Variants in AASS observed in about 807,000 individuals in gnomAD.
AASS encodes the protein aminoadipate-semialdehyde synthase.
AASS carries 86 observed loss-of-function variants against 105.4 expected under a neutral mutation model. The observed-to-expected ratio is 0.82, with a 90% CI of 0.69 to 0.98. The LOEUF (loss-of-function observed/expected upper bound fraction) is 0.98. AASS is among the 50% of genes least tolerant of loss of function. AASS has a pLI of 0.00. For synonymous variants in AASS, 381 were observed against 394.8 expected, an observed-to-expected ratio of 0.96 and a Z score of 0.41; for missense variants, 1,048 against 1,143.2, an observed-to-expected ratio of 0.92 and a Z score of 1.20.
chr7:122,085,928 A>G, intron 19 of AASS, 84 bp downstream of exon 19: 1 of 1,491,674 alleles, frequency 6.7e-7, no homozygotes, highest in Non-Finnish European at 9.3e-7. Context: ...CATCTTAATT[A>G]TTTTGACTAC....
At chr7:122,135,585 G>A (rs1010841959) in intron 1 of AASS, among the ~76,000 whole-genome samples, 3 of 152,186 alleles carry the variant, frequency 2.0e-5, no homozygotes, top group Middle Eastern at 3.4e-3. Flanking sequence ...TGAATGTAAC[G>A]GGCTTCTCTC....
At chr7:122,135,621 A>G (rs531357680) in intron 1 of AASS, among the ~76,000 whole-genome samples, 2 of 152,290 alleles carry the variant, frequency 1.3e-5, no homozygotes, top group East Asian at 3.9e-4. Context: ...GTATATTCTC[A>G]TGAATAAACT....
Position 122,099,747 on chromosome 7 carries a change from C to T in AASS, c.1407-881G>A, listed in dbSNP as rs903343892. 3.3e-5 allele frequency among the ~76,000 whole-genome samples: 5 copies of T among 151,528 alleles called. No individual in the cohort carries two copies. In the East Asian group the frequency reaches 9.7e-4, roughly 29 times the overall value. ...GGCCATAATGTCTCTTGAACATTAA[C>T]CCAAAAAACTTTTCATTAATTTTTA... On this transcript the variant is annotated intron_variant, in intron 13 of 23. Transcript: ENST00000417368.
intron 18 of AASS, among the ~76,000 whole-genome samples, chr7:122,090,701 C>G (rs1216405569): frequency 1.3e-5 from 2 of 152,154 alleles, no homozygotes; most frequent in African/African-American, 4.8e-5. Flanking sequence ...AGTCTCGTTT[C>G]ATTTTTCTCC....
chr7:122,121,868 T>C (rs1795455005), intron 4 of AASS, among the ~76,000 whole-genome samples: 1 of 152,114 alleles, frequency 6.6e-6, no homozygotes, highest in Admixed American at 6.6e-5. Flanking sequence ...AAATCTGTGT[T>C]TAATCTTCAT....
chr7:122,135,236 C>T (rs890271358), intron 1 of AASS, among the ~76,000 whole-genome samples: 38 of 150,500 alleles, frequency 2.5e-4, no homozygotes, highest in African/African-American at 8.9e-4. Flanking sequence ...AACAAACCTG[C>T]ACGTCGTGCA....
At chr7:122,104,382 T>C (rs1035619939) in intron 11 of AASS, among the ~76,000 whole-genome samples, 7 of 151,958 alleles carry the variant, frequency 4.6e-5, no homozygotes. Context: ...GATCACCTGA[T>C]GTCAGAAGTT....
In AASS at chr7:122,074,099, G is replaced by C. The variant is rs528018319; in HGVS notation, c.*2390C>G. On this transcript the variant is annotated 3_prime_UTR_variant, in exon 24 of 24. Transcript: ENST00000417368. ...TATATCACGTGGGTATCCACCAACA[G>C]TGCATGAGGGTTCCAATTTCTCTGC... 6.6e-6 allele frequency among the ~76,000 whole-genome samples: 1 copy of C among 152,070 alleles called. No individual in the cohort carries two copies. Among genetic ancestry groups the C allele is most frequent in the Admixed American group, 6.5e-5 (1 of 15,270 alleles).
rs758799755 is a variant in AASS at position 122,116,800 on chromosome 7, T to TAA, written c.767-42_767-41dup. The TAA allele has an allele frequency of 2.1e-5, 34 of 1,613,294 alleles. 1 individual carries two copies. In the South Asian group the frequency reaches 3.6e-4, roughly 17 times the overall value. ...AGAAATTAGTAAAGTGGGTGACAAA[T>TAA]AATAAAAATTTATGGTGATAAAATA... On this transcript the variant is annotated intron_variant, in intron 7 of 23. Coordinates refer to ENST00000417368, the MANE Select transcript of AASS (RefSeq NM_005763.4).
intron 1 of AASS, among the ~76,000 whole-genome samples, chr7:122,142,062 C>A (rs191213093): frequency 1.6e-4 from 25 of 152,214 alleles, no homozygotes; most frequent in African/African-American, 5.5e-4. Context: ...GACCAGGAAC[C>A]AAGAGCTTGC....
chr7:122,110,103 C>A (rs1289742527), intron 11 of AASS, among the ~76,000 whole-genome samples: 2 of 151,810 alleles, frequency 1.3e-5, no homozygotes, highest in Non-Finnish European at 1.5e-5. Flanking sequence ...GTTAACTAAG[C>A]TCTCAATAAA....
At chr7:122,141,039 T>G (rs2150560319) in intron 1 of AASS, among the ~76,000 whole-genome samples, 1 of 152,250 alleles carries the variant, frequency 6.6e-6, no homozygotes, top group South Asian at 2.1e-4. Context: ...GTTCCAGAAT[T>G]AACACAGCAC....
intron 20 of AASS, among the ~76,000 whole-genome samples, chr7:122,080,410 TAA>T (rs1020688045): frequency 7.2e-5 from 11 of 152,198 alleles, no homozygotes; most frequent in South Asian, 2.1e-4. Flanking sequence ...GTGTGGCCCA[TAA>T]AGTCTAAAAC....
chr7:122,082,887 A>G lies in AASS; in HGVS notation c.2185-1292T>C, dbSNP rs1157836344. The G allele has an allele frequency of 3.9e-6, 5 of 1,285,312 alleles. No homozygotes were observed. The South Asian group carries it at 6.2e-5, about 16-fold the overall frequency. The allele number at this position is 1,285,312 out of a possible 1,614,324, so 79.6% of individuals were successfully genotyped here. On this transcript the variant is annotated intron_variant, in intron 19 of 23. Transcript: ENST00000417368. ...ATTCCAATCCATTATTCAGCATTCC[A>G]ATCCCTAAAAGAGAACAAATGGCTG...
chr7:122,095,739 TA>T lies in AASS; in HGVS notation c.1656-2582del, dbSNP rs1794123870. ...CCTGGTCTCTGTGTTTTTGTTTCCT[TA>T]AACCAAAAATAATTACTGCTAACAA... On this transcript the variant is annotated intron_variant, in intron 15 of 23. Coordinates refer to ENST00000417368, the MANE Select transcript of AASS (RefSeq NM_005763.4). Among the ~76,000 whole-genome samples, 3 of 151,966 alleles carry T rather than the reference TA, an allele frequency of 2.0e-5. No individual in the cohort carries two copies. In the South Asian group the frequency reaches 6.2e-4, roughly 31 times the overall value.
In AASS at chr7:122,078,017, TAAAA is replaced by T. The variant is rs758173965; in HGVS notation, c.2486-7_2486-4del. On this transcript the variant is annotated splice_region_variant and splice_polypyrimidine_tract_variant and intron_variant, in intron 22 of 23. Transcript: ENST00000417368. Reference sequence around the variant, plus strand: ...AATCATATCTTTTTCTTCAGGACCTTAAAACAAATAAAGATAAGTAAAAATACCA... The same window carrying T: ...AATCATATCTTTTTCTTCAGGACCTTCAAATAAAGATAAGTAAAAATACCA... The T allele has an allele frequency of 1.2e-5, 19 of 1,613,006 alleles. No individual in the cohort carries two copies. In the African/African-American group the frequency reaches 2.4e-4, roughly 20 times the overall value.
At chr7:122,100,887 T>C (rs916005720) in intron 13 of AASS, among the ~76,000 whole-genome samples, 29 of 151,866 alleles carry the variant, frequency 1.9e-4, no homozygotes, top group Admixed American at 1.6e-3. Flanking sequence ...AACTACCTCT[T>C]ACTTTCATCA....
In AASS at chr7:122,091,753, C is replaced by A; in HGVS notation, c.1966G>T (p.Gly656Ter). 3 of 1,613,544 alleles carry A rather than the reference C, an allele frequency of 1.9e-6. No individual in the cohort carries two copies. Among genetic ancestry groups the A allele is most frequent in the Non-Finnish European group, 2.5e-6 (3 of 1,179,708 alleles). Residue 656 changes from glycine to a stop codon, truncating the protein, a stop_gained, in exon 18 of 24, where the codon GGA becomes TGA. Transcript: ENST00000417368. LOFTEE classifies it high-confidence loss of function. The stretch of plus-strand genomic sequence containing the variant: ...GACTGCATTACATTCATCAAAACTC[C>A]CACTGGACTCCAGCTAAATTTATAT... The part of the protein sequence containing the change: ...LRYKFSWSPV[G>*]VLMNVMQSAT...
At chr7:122,082,043 A>G (rs796899175) in intron 19 of AASS, among the ~76,000 whole-genome samples, 15 of 152,294 alleles carry the variant, frequency 9.8e-5, no homozygotes, top group African/African-American at 3.6e-4. Context: ...TAATGGAAGG[A>G]GGAACTTGTA....
Sources: allele counts gnomAD v4.1 joint callset (sites outside exome capture counted in the v4.1 genomes callset), GRCh38; gene constraint gnomAD v4.1.1; transcripts MANE v1.5; gene names NCBI Gene and HGNC (gene_info 2026-07-23, HGNC 2026-07-21).